SLC4A10: variants seen among roughly 807,000 people sequenced by gnomAD.
SLC4A10 encodes solute carrier family 4 member 10, also known as sodium-driven chloride bicarbonate exchanger.
In SLC4A10, 42 loss-of-function variants were observed where a neutral mutation model predicts 137.7. The ratio of observed to expected loss-of-function variants is 0.30; its 90% confidence interval spans 0.24 to 0.39. The LOEUF (loss-of-function observed/expected upper bound fraction) is 0.39, where lower values mean the gene tolerates loss of function less well. Ranked by LOEUF, SLC4A10 falls within the 10% of genes least tolerant of loss-of-function variation. The pLI is 1.00. For synonymous variants in SLC4A10, 474 were observed against 464.1 expected (o/e 1.02, Z -0.27); for missense variants, 925 against 1,355.0 (o/e 0.68, Z 4.98).
At chr2:161,782,697 A>C (rs1028435313) in intron 2 of SLC4A10, among the ~76,000 whole-genome samples, 16 of 148,846 alleles carry the variant, frequency 1.1e-4, no homozygotes, top group African/African-American at 4.0e-4. Flanking sequence ...TAAAATAATT[A>C]AATTGAAAAA....
At chr2:161,923,140 G>A (rs1688443015) in intron 15 of SLC4A10, among the ~76,000 whole-genome samples, 1 of 152,134 alleles carries the variant, frequency 6.6e-6, no homozygotes, top group Admixed American at 6.5e-5. Flanking sequence ...TTCTGGATGA[G>A]GGCATTTAAT....
At chr2:161,820,601 A>G (rs142924079) in intron 3 of SLC4A10, among the ~76,000 whole-genome samples, 226 of 152,314 alleles carry the variant, frequency 1.5e-3, no homozygotes, top group African/African-American at 4.3e-3. Flanking sequence ...GAATTCACCA[A>G]TGTTTTTGAT....
rs1429843074 is a variant in SLC4A10, at chr2:161,698,560, A to G, written c.49-72413A>G. On this transcript the variant is annotated intron_variant, in intron 1 of 26. Transcript: ENST00000446997. Reference sequence around the variant, plus strand: ...AAAGGCCTTTTCTGCATCTATTGAGATAACCATGAGGTTTTTGTTGTTGGT... The same window carrying G: ...AAAGGCCTTTTCTGCATCTATTGAGGTAACCATGAGGTTTTTGTTGTTGGT... Among the ~76,000 whole-genome samples, 4 of 152,210 alleles carry G rather than the reference A, an allele frequency of 2.6e-5. No homozygotes were observed. In the East Asian group the frequency reaches 7.7e-4, roughly 29 times the overall value.
At chr2:161,911,781 G>T (rs749033550) in intron 15 of SLC4A10, among the ~76,000 whole-genome samples, 32 of 151,998 alleles carry the variant, frequency 2.1e-4, no homozygotes, top group Non-Finnish European at 4.0e-4. Context: ...TTCTGAAAAT[G>T]CTTCTCACAA....
chr2:161,681,181 T>C (rs16846026), intron 1 of SLC4A10, among the ~76,000 whole-genome samples: 11,338 of 152,190 alleles, frequency 0.074, 538 homozygotes, highest in East Asian at 0.14. Context: ...ACAGAGAACA[T>C]AGTGGACTCT....
At chr2:161,920,524 T>A (rs1197607157) in intron 15 of SLC4A10, among the ~76,000 whole-genome samples, 9 of 152,252 alleles carry the variant, frequency 5.9e-5, no homozygotes, top group Non-Finnish European at 1.2e-4. Flanking sequence ...ACCTTGTTGG[T>A]GAAGGAAACC....
chr2:161,711,841 A>G (rs1013014255), intron 1 of SLC4A10, among the ~76,000 whole-genome samples: 1 of 151,824 alleles, frequency 6.6e-6, no homozygotes, highest in Non-Finnish European at 1.5e-5. Flanking sequence ...TAATATAGGG[A>G]TAATAATGGC....
intron 15 of SLC4A10, among the ~76,000 whole-genome samples, chr2:161,930,580 A>T (rs971609298): frequency 3.3e-5 from 5 of 150,912 alleles, no homozygotes; most frequent in African/African-American, 9.7e-5. Context: ...TTATATAATG[A>T]ATTCATAGAA....
chr2:161,890,155 G>T (rs1170121814), intron 10 of SLC4A10, among the ~76,000 whole-genome samples: 1 of 152,158 alleles, frequency 6.6e-6, no homozygotes, highest in Non-Finnish European at 1.5e-5. Flanking sequence ...CTGAGAGACT[G>T]TTTGTTATGA....
At chr2:161,752,993 G>A (rs1479862716) in intron 1 of SLC4A10, among the ~76,000 whole-genome samples, 1 of 152,004 alleles carries the variant, frequency 6.6e-6, no homozygotes, top group Non-Finnish European at 1.5e-5. Flanking sequence ...CATATAGCAA[G>A]ATATGTTTTA....
Position 161,965,098 on chromosome 2 carries a change from G to A in SLC4A10, c.3084G>A (p.Thr1028=), listed in dbSNP as rs755017808. The change falls in exon 23 of 27, where the codon ACG becomes ACA. Residue 1028 remains threonine, a synonymous_variant. Coordinates refer to ENST00000446997, the MANE Select transcript of SLC4A10 (RefSeq NM_001178015.2). ...FVRKLMDLLF[T]KRELSWLDDL... ...GAAAGTTGATGGACTTGTTGTTCAC[G>A]AAGCGGGAACTCAGCTGGTTGGATG... 9.3e-6 allele frequency: 15 copies of A among 1,612,446 alleles called. No homozygotes were observed. The highest frequency in any genetic ancestry group is 6.7e-5 in the East Asian group (3 of 44,776).
At chr2:161,967,326 C>G (rs76760048) in intron 23 of SLC4A10, among the ~76,000 whole-genome samples, 5,199 of 152,104 alleles carry the variant, frequency 0.034, 123 homozygotes, top group Non-Finnish European at 0.051. Flanking sequence ...CATCTTGTAC[C>G]CTGAGCTGCC....
intron 2 of SLC4A10, among the ~76,000 whole-genome samples, chr2:161,802,640 G>A (rs1317524159): frequency 1.3e-5 from 2 of 152,076 alleles, no homozygotes; most frequent in African/African-American, 2.4e-5. Context: ...CCACAGGCTG[G>A]GCAGCTTAAA....
chr2:161,737,268 T>C lies in SLC4A10; in HGVS notation c.49-33705T>C, dbSNP rs867008840. Among the ~76,000 whole-genome samples the C allele has an allele frequency of 1.1e-4, 16 of 152,354 alleles. No individual in the cohort carries two copies. In the South Asian group the frequency reaches 3.3e-3, roughly 32 times the overall value. On this transcript the variant is annotated intron_variant, in intron 1 of 26. Transcript: ENST00000446997. ...GATTTAGTTTAATAGGTGGTCTTTT[T>C]AACTTAGTTTTTGCCTTTTAGTTAA...
intron 13 of SLC4A10, among the ~76,000 whole-genome samples, chr2:161,904,500 G>T (rs548662279): frequency 6.6e-6 from 1 of 152,150 alleles, no homozygotes; most frequent in Non-Finnish European, 1.5e-5. Context: ...CCATGTTTCT[G>T]TCCAGACACT....
chr2:161,907,259 T>C (rs1395373096), intron 15 of SLC4A10, among the ~76,000 whole-genome samples: 1 of 152,102 alleles, frequency 6.6e-6, no homozygotes, highest in Non-Finnish European at 1.5e-5. Context: ...TAAACAGGGC[T>C]AAGAAAGGAC....
rs1575563801 is a variant in SLC4A10 at position 161,904,261 on chromosome 2, G to A, written c.1617+83G>A. 6.4e-6 allele frequency: 9 copies of A among 1,408,930 alleles called. No homozygotes were observed. The East Asian group carries it at 2.3e-4, about 35-fold the overall frequency. 87.3% of individuals were successfully genotyped at this position (1,408,930 alleles called of 1,614,324 possible). ...TTAGATAAGTGAGCATTTAATTTTG[G>A]ATTCTTTTCTGAGGAGAGATTTGAG... On this transcript the variant is annotated intron_variant, in intron 13 of 26. Coordinates refer to ENST00000446997, the MANE Select transcript of SLC4A10 (RefSeq NM_001178015.2).
chr2:161,799,996 T>C (rs1443198540), intron 2 of SLC4A10, among the ~76,000 whole-genome samples: 2 of 151,960 alleles, frequency 1.3e-5, no homozygotes, highest in African/African-American at 2.4e-5. Flanking sequence ...AGCAAATCTT[T>C]AGGGGAGAGA....
chr2:161,866,530 G>T (rs1258635219), intron 6 of SLC4A10, among the ~76,000 whole-genome samples: 5 of 151,844 alleles, frequency 3.3e-5, no homozygotes, highest in African/African-American at 1.2e-4. Flanking sequence ...TCAAAACTGT[G>T]AGAATTAAAT....
Sources: allele counts gnomAD v4.1 joint callset (sites outside exome capture counted in the v4.1 genomes callset), GRCh38; gene constraint gnomAD v4.1.1; transcripts MANE v1.5; gene names NCBI Gene and HGNC (gene_info 2026-07-23, HGNC 2026-07-21).